TSC1: variants seen among roughly 807,000 people sequenced by gnomAD.
The protein encoded by TSC1 is hamartin.
Under a neutral mutation model 124.3 loss-of-function variants are expected in TSC1, and 20 were observed. The ratio of observed to expected loss-of-function variants is 0.16; its 90% CI spans 0.11 to 0.23. TSC1 has a LOEUF of 0.23. Among genes scored for constraint, TSC1 ranks in the 10% least tolerant of loss-of-function variants. The pLI, the probability that TSC1 is intolerant of heterozygous loss-of-function variation, is 1.00. For synonymous variants in TSC1, 493 were observed against 539.1 expected (o/e 0.91, Z 1.19); for missense variants, 1,124 against 1,448.5 (o/e 0.78, Z 3.64).
chr9:132,910,126 T>C, intron 12 of TSC1: 1 of 246,888 alleles, frequency 4.1e-6, no homozygotes, highest in Non-Finnish European at 7.8e-6. Flanking sequence ...TAGTGAGACC[T>C]CATCTCCACC....
chr9:132,933,651 CAT>C (rs547073191), intron 2 of TSC1, among the ~76,000 whole-genome samples: 92 of 152,274 alleles, frequency 6.0e-4, no homozygotes, highest in African/African-American at 2.1e-3. Flanking sequence ...TGATACTACA[CAT>C]GTGACATAGT....
intron 8 of TSC1, among the ~76,000 whole-genome samples, chr9:132,914,178 G>A (rs1287156967): frequency 6.6e-6 from 1 of 151,986 alleles, no homozygotes; most frequent in East Asian, 1.9e-4. Context: ...GGGATTACAG[G>A]CGTGAGCCAC....
In TSC1 at chr9:132,906,614, T is replaced by A; in HGVS notation, c.1438+117A>T. The A allele has an allele frequency of 1.1e-6, 1 of 877,730 alleles. No homozygotes were observed. The highest frequency in any genetic ancestry group is 1.8e-6 in the Non-Finnish European group (1 of 541,146). 54.4% of individuals were successfully genotyped at this position (877,730 alleles called of 1,614,324 possible). A position where few individuals can be genotyped will look rare whatever the true frequency, so the allele number is the denominator to read the frequency against. ...TAGGTCCCAGACTAAACCACCCATC[T>A]TGTTACCTCAAGAGAAGAAAAATCC... is the stretch of plus-strand genomic sequence containing the variant. On this transcript the variant is annotated intron_variant, in intron 14 of 22. Coordinates refer to ENST00000298552, the MANE Select transcript of TSC1 (RefSeq NM_000368.5). This position sits in a 1 kb window ranked among gnomAD's most constrained non-coding sequence, Gnocchi z 4.1.
At chr9:132,897,378 G>C (rs779777700) in intron 21 of TSC1, 33 bp from the exon 22 acceptor site, 1 of 1,614,172 alleles carries the variant, frequency 6.2e-7, no homozygotes, top group Non-Finnish European at 8.5e-7. Context: ...AATATAGGAA[G>C]TTCCACTTAA....
In TSC1 at chr9:132,923,730, T is replaced by G. The variant is rs1050324408; in HGVS notation, c.364-238A>C. On this transcript the variant is annotated intron_variant, in intron 5 of 22. Coordinates refer to ENST00000298552, the MANE Select transcript of TSC1 (RefSeq NM_000368.5). This position sits in a 1 kb window ranked among gnomAD's most constrained non-coding sequence, Gnocchi z 4.2. ...GTGAGGACCATTTACAACACACCTATGCAAAGGCATCCGGGAGACGAGTTC... is the reference window on the plus strand; with the variant it reads ...GTGAGGACCATTTACAACACACCTAGGCAAAGGCATCCGGGAGACGAGTTC... The G allele has an allele frequency of 1.9e-6, 1 of 539,440 alleles. No individual in the cohort carries two copies. Among genetic ancestry groups the G allele is most frequent in the African/African-American group, 1.9e-5 (1 of 52,584 alleles). The allele number at this position is 539,440 out of a possible 1,614,324, so 33.4% of individuals were successfully genotyped here.
intron 8 of TSC1, 122 bp from the exon 9 acceptor site, chr9:132,912,579 G>T: frequency 9.1e-7 from 1 of 1,093,698 alleles, no homozygotes; most frequent in Non-Finnish European, 1.4e-6. Context: ...GACCATGCCA[G>T]CCCAAGTCTG....
intron 12 of TSC1, chr9:132,909,829 T>C (rs1845849176): frequency 6.6e-6 from 1 of 152,262 alleles, no homozygotes; most frequent in Admixed American, 6.5e-5. Flanking sequence ...TTAGTTTTTA[T>C]TGTTTTTAAT....
chr9:132,900,656 T>C, intron 20 of TSC1, 59 bp downstream of exon 20: 1 of 1,610,818 alleles, frequency 6.2e-7, no homozygotes, highest in Non-Finnish European at 8.5e-7. Flanking sequence ...GCGGGAGACA[T>C]ACTGTCTGGG....
Position 132,921,517 on chromosome 9 carries a change from A to C in TSC1, c.664-81T>G. The C allele has an allele frequency of 6.6e-7, 1 of 1,507,818 alleles. No homozygotes were observed. Among genetic ancestry groups the C allele is most frequent in the Non-Finnish European group, 9.2e-7 (1 of 1,086,020 alleles). 93.4% of individuals were successfully genotyped at this position (1,507,818 alleles called of 1,614,324 possible). A position where few individuals can be genotyped will look rare whatever the true frequency, so the allele number is the denominator to read the frequency against. ...ATGATGGAATATTAGTTGACAATTA[A>C]AAGGAATGAAGTACTGATACATGTT... On this transcript the variant is annotated intron_variant, in intron 7 of 22. Coordinates refer to ENST00000298552, the MANE Select transcript of TSC1 (RefSeq NM_000368.5). The surrounding 1 kb of genome is among the most constrained non-coding windows in gnomAD (Gnocchi z 4.3).
At chr9:132,925,855 G>T in intron 4 of TSC1, 116 bp from the exon 5 acceptor site, 1 of 1,336,802 alleles carries the variant, frequency 7.5e-7, no homozygotes, top group Non-Finnish European at 1.1e-6. Context: ...TAAAGCAAGG[G>T]TCATGCAGAT....
At chr9:132,933,201 G>T (rs1230391945) in intron 2 of TSC1, among the ~76,000 whole-genome samples, 3 of 152,208 alleles carry the variant, frequency 2.0e-5, no homozygotes, top group African/African-American at 7.2e-5. Context: ...GAGTAGCTGA[G>T]ATTATAGGCG....
rs756968900 is a variant in TSC1 at position 132,896,202 on chromosome 9, A to G, written c.*33T>C. On this transcript the variant is annotated 3_prime_UTR_variant, in exon 23 of 23. Transcript: ENST00000298552. This position sits in a 1 kb window ranked among gnomAD's most constrained non-coding sequence, Gnocchi z 4.5. ...TCACACCTCCTGTTCTGTGCCAACA[A>G]TATGCAAGTTAACACTGATTGACCA... 2.5e-6 allele frequency: 4 copies of G among 1,614,058 alleles called. No individual in the cohort carries two copies. The highest frequency in any genetic ancestry group is 1.7e-5 in the Admixed American group (1 of 60,028).
Position 132,895,366 on chromosome 9 carries a change from T to G in TSC1, c.*869A>C, listed in dbSNP as rs1347328648. On this transcript the variant is annotated 3_prime_UTR_variant, in exon 23 of 23. Transcript: ENST00000298552. Reference sequence around the variant, plus strand: ...CCAGCAAGCTGAGATGGCCTAAAGGTGCAGTTCCTCATGCTCAAGTGCTTC... The same window carrying G: ...CCAGCAAGCTGAGATGGCCTAAAGGGGCAGTTCCTCATGCTCAAGTGCTTC... 1 of 233,326 alleles carries G rather than the reference T, an allele frequency of 4.3e-6. No homozygotes were observed. Among genetic ancestry groups the G allele is most frequent in the Non-Finnish European group, 8.5e-6 (1 of 118,058 alleles). The allele number at this position is 233,326 out of a possible 1,614,324, so 14.5% of individuals were successfully genotyped here. A position where few individuals can be genotyped will look rare whatever the true frequency, so the allele number is the denominator to read the frequency against.
intron 4 of TSC1, chr9:132,925,962 A>AG: frequency 6.9e-6 from 4 of 579,860 alleles, no homozygotes; most frequent in Non-Finnish European, 1.2e-5. Context: ...CTCATGAAAA[A>AG]GGACCCTACA....
chr9:132,909,094 T>C (rs1310718249), intron 12 of TSC1, among the ~76,000 whole-genome samples: 2 of 151,768 alleles, frequency 1.3e-5, no homozygotes, highest in Non-Finnish European at 2.9e-5. Context: ...GTAGAGATGG[T>C]GTTTCAACAT....
chr9:132,912,709 C>T, intron 8 of TSC1: 1 of 503,366 alleles, frequency 2.0e-6, no homozygotes, highest in Non-Finnish European at 3.6e-6. Flanking sequence ...CAACAAAAGA[C>T]TAGGTGTAGC....
chr9:132,914,329 G>A (rs1846150140), intron 8 of TSC1, among the ~76,000 whole-genome samples: 1 of 151,502 alleles, frequency 6.6e-6, no homozygotes, highest in South Asian at 2.1e-4. Flanking sequence ...AAAGAAGAAA[G>A]GAAATAACCC....
At chr9:132,922,693 G>A (rs1475126970) in intron 6 of TSC1, among the ~76,000 whole-genome samples, 1 of 152,166 alleles carries the variant, frequency 6.6e-6, no homozygotes, top group Non-Finnish European at 1.5e-5. Flanking sequence ...CAGGCACCAC[G>A]TGGGCCTATG....
intron 1 of TSC1, chr9:132,940,881 T>G (rs972729159): frequency 2.0e-5 from 3 of 152,204 alleles, no homozygotes. Flanking sequence ...ATGGATACAG[T>G]TCAAGTTTGT....
Sources: gnomAD v4.1 joint callset for allele counts (sites outside exome capture counted in the v4.1 genomes callset) on GRCh38, gnomAD v4.1.1 for gene constraint, Gnocchi (gnomAD v3.1) non-coding constraint, MANE v1.5 for transcripts, NCBI Gene and HGNC (gene_info 2026-07-23, HGNC 2026-07-21) for gene names.